Variants in TEX36 observed in about 807,000 individuals in gnomAD.
TEX36 encodes the protein testis-expressed protein 36.
TEX36 carries 12 observed loss-of-function variants against 13.6 expected under a neutral mutation model. The ratio of observed to expected loss-of-function variants is 0.88; its 90% CI spans 0.56 to 1.43. The LOEUF (loss-of-function observed/expected upper bound fraction) is 1.43. Among genes scored for constraint, TEX36 ranks in the 40% most tolerant of loss-of-function variants. The pLI, the probability that TEX36 is intolerant of heterozygous loss-of-function variation, is 0.00. For missense variants in TEX36, 224 were observed against 228.3 expected, an observed-to-expected ratio of 0.98 and a Z score of 0.12; for synonymous variants, 93 against 83.0, an observed-to-expected ratio of 1.12 and a Z score of -0.65.
intron 3 of TEX36, among the ~76,000 whole-genome samples, chr10:125,632,409 G>T (rs567887517): frequency 6.6e-6 from 1 of 152,244 alleles, no homozygotes; most frequent in Admixed American, 6.5e-5. Flanking sequence ...CTCCTTCTTT[G>T]TCCCGCATCT....
chr10:125,670,739 G>T (rs115949216), intron 1 of TEX36, among the ~76,000 whole-genome samples: 1 of 152,138 alleles, frequency 6.6e-6, no homozygotes, highest in African/African-American at 2.4e-5. Context: ...TTACATTTCA[G>T]TCTTTAGTCT....
chr10:125,673,048 A>ACAG (rs151002337), intron 1 of TEX36, among the ~76,000 whole-genome samples: 1,570 of 152,328 alleles, frequency 0.01, 11 homozygotes, highest in Middle Eastern at 0.034. Context: ...TCTCTTGAAT[A>ACAG]CAGCACACCA....
intron 3 of TEX36, among the ~76,000 whole-genome samples, chr10:125,657,670 C>G (rs1199710329): frequency 6.6e-6 from 1 of 152,078 alleles, no homozygotes; most frequent in Admixed American, 6.6e-5. Flanking sequence ...AAAGAATCTG[C>G]AACTGAAATC....
Position 125,677,212 on chromosome 10 carries a change from T to C in TEX36, c.51+5727A>G, listed in dbSNP as rs184777249. The stretch of plus-strand genomic sequence containing the variant: ...TTTTGTATTGTATCTGCCTGGGGAC[T>C]GTTGAATTTCTTGTACCAGAATGTC... On this transcript the variant is annotated intron_variant, in intron 1 of 3. Transcript: ENST00000368821. Among the ~76,000 whole-genome samples, 190 of 152,348 alleles carry C rather than the reference T, an allele frequency of 1.2e-3. 1 individual carries two copies. The highest frequency in any genetic ancestry group is 2.4e-3 in the Admixed American group (37 of 15,312).
chr10:125,584,585 G>A (rs996585014), intron 3 of TEX36, among the ~76,000 whole-genome samples: 1 of 152,174 alleles, frequency 6.6e-6, no homozygotes, highest in Non-Finnish European at 1.5e-5. Flanking sequence ...GCTTTAGGGA[G>A]CTAATTAAGG....
intron 3 of TEX36, among the ~76,000 whole-genome samples, chr10:125,603,057 C>T (rs1444685930): frequency 1.3e-5 from 2 of 152,160 alleles, no homozygotes; most frequent in Non-Finnish European, 2.9e-5. Flanking sequence ...AACACGGCTC[C>T]CAAGGCCAAG....
intron 3 of TEX36, among the ~76,000 whole-genome samples, chr10:125,626,768 G>A (rs1318986069): frequency 6.6e-6 from 1 of 152,118 alleles, no homozygotes. Context: ...ATCCAACACC[G>A]AACACTACAG....
chr10:125,669,004 C>G (rs57702049), intron 1 of TEX36, among the ~76,000 whole-genome samples: 1 of 151,924 alleles, frequency 6.6e-6, no homozygotes, highest in East Asian at 1.9e-4. Flanking sequence ...ACTAAAAATA[C>G]GAAAGTTGCC....
downstream of TEX36, among the ~76,000 whole-genome samples, chr10:125,654,819 G>A (rs551524173): frequency 4.6e-5 from 7 of 152,278 alleles, no homozygotes; most frequent in South Asian, 1.5e-3. Context: ...ACGGTTGGTA[G>A]GAGTTCAATT....
intron 1 of TEX36, 120 bp downstream of exon 1, chr10:125,682,819 G>T: frequency 9.0e-7 from 1 of 1,115,870 alleles, no homozygotes; most frequent in Non-Finnish European, 1.3e-6. Flanking sequence ...GTTGAGTAAA[G>T]TGAAGTGATT....
intron 3 of TEX36, among the ~76,000 whole-genome samples, chr10:125,636,899 C>CT (rs1846630264): frequency 6.6e-6 from 1 of 152,144 alleles, no homozygotes; most frequent in South Asian, 2.1e-4. Flanking sequence ...TAAATGAACC[C>CT]TTATACCCAT....
intron 3 of TEX36, among the ~76,000 whole-genome samples, chr10:125,613,775 T>A (rs1846322829): frequency 6.6e-6 from 1 of 152,154 alleles, no homozygotes; most frequent in East Asian, 1.9e-4. Flanking sequence ...GCATGATTTA[T>A]AGTCCTTTGG....
At chr10:125,668,040 T>A in intron 1 of TEX36, 2 of 655,330 alleles carry the variant, frequency 3.1e-6, no homozygotes, top group Non-Finnish European at 5.5e-6. Context: ...CAGAAATAAA[T>A]CTTTGGCCAG....
chr10:125,682,662 T>C (rs80046279), intron 1 of TEX36, among the ~76,000 whole-genome samples: 3,695 of 152,222 alleles, frequency 0.024, 135 homozygotes, highest in East Asian at 0.091. Flanking sequence ...AAAATAGATG[T>C]TAAGGAAGAA....
intron 1 of TEX36, among the ~76,000 whole-genome samples, chr10:125,678,089 T>G (rs1847338763): frequency 6.6e-6 from 1 of 152,258 alleles, no homozygotes; most frequent in African/African-American, 2.4e-5. Flanking sequence ...ATTTCCTTGC[T>G]TTTTCATGTT....
At chr10:125,681,084 G>C (rs1589793833) in intron 1 of TEX36, among the ~76,000 whole-genome samples, 1 of 152,178 alleles carries the variant, frequency 6.6e-6, no homozygotes, top group South Asian at 2.1e-4. Flanking sequence ...TTGTTTTCCT[G>C]ATAAAAAGGG....
chr10:125,663,313 CTT>C (rs1458625292), intron 1 of TEX36, among the ~76,000 whole-genome samples: 1 of 152,200 alleles, frequency 6.6e-6, no homozygotes, highest in Non-Finnish European at 1.5e-5. Context: ...TTTATGAACA[CTT>C]AGGTTGATTC....
At chr10:125,652,264 G>C (rs560828381), downstream of TEX36, among the ~76,000 whole-genome samples, 9 of 152,270 alleles carry the variant, frequency 5.9e-5, no homozygotes, top group African/African-American at 1.9e-4. Context: ...AACCAAAACA[G>C]CATGGTACTG....
At chr10:125,605,406 C>A (rs768293822) in intron 3 of TEX36, among the ~76,000 whole-genome samples, 6 of 151,906 alleles carry the variant, frequency 3.9e-5, no homozygotes, top group African/African-American at 1.5e-4. Flanking sequence ...AATCTCCACA[C>A]GCAGCGTAGT....
Sources: allele counts gnomAD v4.1 joint callset (sites outside exome capture counted in the v4.1 genomes callset), GRCh38; gene constraint gnomAD v4.1.1; transcripts MANE v1.5; gene names NCBI Gene and HGNC (gene_info 2026-07-23, HGNC 2026-07-21).